The following ADGRG1 variants were observed in gnomAD, a reference collection of about 807,000 sequenced individuals.
The protein encoded by ADGRG1 is 7-transmembrane protein with no EGF-like N-terminal domains-1.
A neutral mutation model predicts 73.5 loss-of-function variants in ADGRG1; 53 were observed. The observed-to-expected ratio is 0.72, with a 90% CI of 0.58 to 0.91. The LOEUF (loss-of-function observed/expected upper bound fraction) is 0.91, where lower values mean the gene tolerates loss of function less well. Ranked by LOEUF, ADGRG1 falls within the 40% of genes least tolerant of loss-of-function variation. The pLI is 0.00. For missense variants in ADGRG1, 795 were observed against 871.8 expected, an observed-to-expected ratio of 0.91 and a Z score of 1.11; for synonymous variants, 394 against 374.4, an observed-to-expected ratio of 1.05 and a Z score of -0.60.
intron 13 of ADGRG1, 66 bp from the exon 14 acceptor site, chr16:57,663,386 G>A: frequency 6.2e-7 from 1 of 1,601,568 alleles, no homozygotes; most frequent in Non-Finnish European, 8.5e-7. Context: ...CAATGGCTGG[G>A]GAGGGAGGAG....
upstream of ADGRG1, chr16:57,624,697 C>T (rs1229126514): frequency 1.0e-6 from 1 of 983,784 alleles, no homozygotes; most frequent in African/African-American, 1.7e-5. Flanking sequence ...CCTACTCCCC[C>T]AGGCCTCAGT....
chr16:57,630,979 A>T, intron 1 of ADGRG1: 1 of 985,800 alleles, frequency 1.0e-6, no homozygotes, highest in Non-Finnish European at 1.2e-6. Context: ...GTGGGGGGGA[A>T]GAGAGGCAGG....
upstream of ADGRG1, among the ~76,000 whole-genome samples, chr16:57,624,492 C>G (rs1457286646): frequency 3.9e-5 from 6 of 152,126 alleles, no homozygotes; most frequent in Non-Finnish European, 8.8e-5. Flanking sequence ...CAGAGCGAGG[C>G]CCTGTCTCGA....
At chr16:57,647,345 G>A (rs1263852889) in intron 1 of ADGRG1, 3 of 982,930 alleles carry the variant, frequency 3.1e-6, no homozygotes, top group African/African-American at 3.5e-5. Flanking sequence ...GGGTGAGCTG[G>A]TTGCTGGGGG....
chr16:57,653,752 C>T lies in ADGRG1; in HGVS notation c.621-234C>T, dbSNP rs143100388. On this transcript the variant is annotated intron_variant, in intron 4 of 13. Coordinates refer to ENST00000562631, the MANE Select transcript of ADGRG1 (RefSeq NM_201525.4). ...CTTTCCCTTGGCTCCCAGGTCCTGGCCTCCTCTGTCTGACCCTACCCCAGC... is the reference window on the plus strand; with the variant it reads ...CTTTCCCTTGGCTCCCAGGTCCTGGTCTCCTCTGTCTGACCCTACCCCAGC... The T allele has an allele frequency of 5.3e-6, 5 of 938,444 alleles. No homozygotes were observed. The East Asian group carries it at 5.8e-4, about 110-fold the overall frequency. The allele number at this position is 938,444 out of a possible 1,614,324, so 58.1% of individuals were successfully genotyped here.
intron 13 of ADGRG1, among the ~76,000 whole-genome samples, chr16:57,662,749 C>T (rs2047525901): frequency 6.6e-6 from 1 of 152,130 alleles, no homozygotes; most frequent in Admixed American, 6.5e-5. Context: ...GGCTTGATGC[C>T]AACAGGGTCC....
In ADGRG1 at chr16:57,635,836, G is replaced by C. The variant is rs1047586131; in HGVS notation, c.-36+7034G>C. On this transcript the variant is annotated intron_variant, in intron 1 of 13. Transcript: ENST00000562631. ...TTACGAGCTCTGTGTCCCTGGGCAA[G>C]CTCCGTGTCCCTGTGTCCCTGCTAT... 2.4e-5 allele frequency: 24 copies of C among 985,180 alleles called. No homozygotes were observed. In the African/African-American group the frequency reaches 4.2e-4, roughly 17 times the overall value. 61.0% of individuals were successfully genotyped at this position (985,180 alleles called of 1,614,324 possible). A position where few individuals can be genotyped will look rare whatever the true frequency, so the allele number is the denominator to read the frequency against.
Position 57,659,379 on chromosome 16 carries a change from C to T in ADGRG1, c.1287-34C>T, listed in dbSNP as rs2046514589. 6.2e-7 allele frequency: 1 copy of T among 1,612,932 alleles called. No individual in the cohort carries two copies. The highest frequency in any genetic ancestry group is 8.5e-7 in the Non-Finnish European group (1 of 1,179,904). ...GGGCACACTCCCCTCTCTACCTTCC[C>T]ACACTGGCCCACCAGGGTGCCCCTG... On this transcript the variant is annotated intron_variant, in intron 10 of 13. Coordinates refer to ENST00000562631, the MANE Select transcript of ADGRG1 (RefSeq NM_201525.4).
At chr16:57,651,862 A>G in intron 3 of ADGRG1, 1 of 1,436,216 alleles carries the variant, frequency 7.0e-7, no homozygotes, top group Non-Finnish European at 9.1e-7. Context: ...GTGGGCAGGC[A>G]GGGGTGAGGA....
At position 57,656,949 on chromosome 16, in the gene ADGRG1, G is replaced by A. The variant is rs568907678; in HGVS notation, c.1167+332G>A. Among the ~76,000 whole-genome samples the A allele has an allele frequency of 1.0e-3, 158 of 152,296 alleles. 1 individual carries two copies. The highest frequency in any genetic ancestry group is 4.9e-4 in the Non-Finnish European group (33 of 68,030). ...CAAGAGTGTTTCTAATGAGGCCCCT[G>A]AGGTGGCCTCCAGTGCCCCCAAGAC... On this transcript the variant is annotated intron_variant, in intron 9 of 13. Transcript: ENST00000562631.
chr16:57,660,100 C>A, intron 11 of ADGRG1: 1 of 227,732 alleles, frequency 4.4e-6, no homozygotes, highest in Non-Finnish European at 7.3e-6. Flanking sequence ...TGTGGCTTGG[C>A]ATTTTGTTCT....
intron 1 of ADGRG1, chr16:57,645,450 G>A (rs2042376161): frequency 2.0e-6 from 1 of 490,968 alleles, no homozygotes; most frequent in Non-Finnish European, 2.6e-6. Context: ...CTAAATGCTG[G>A]GGGAGCCACA....
At chr16:57,624,780 C>T (rs1190767055), upstream of ADGRG1, 11 of 908,392 alleles carry the variant, frequency 1.2e-5, no homozygotes, top group Non-Finnish European at 1.4e-5. Flanking sequence ...AGATCTCCTC[C>T]TACCTCCCCG....
chr16:57,660,522 G>C (rs2046827432), intron 11 of ADGRG1: 1 of 746,282 alleles, frequency 1.3e-6, no homozygotes, highest in Non-Finnish European at 1.6e-6. Flanking sequence ...TTCTCCCAGG[G>C]GCCCCCAGGG....
In ADGRG1 at chr16:57,659,626, G is replaced by A. The variant is rs2046582535; in HGVS notation, c.1500G>A (p.Glu500=). Residue 500 remains glutamate (E), a synonymous_variant, in exon 11 of 14, where the codon GAG becomes GAA. Transcript: ENST00000562631. ...EGYNLYRLVV[E]VFGTYVPGYL... ...ACAACCTCTACCGACTCGTGGTGGA[G>A]GTCTTTGGCACCTATGTCCCTGGCT... The A allele has an allele frequency of 6.2e-7, 1 of 1,614,072 alleles. No individual in the cohort carries two copies. The highest frequency in any genetic ancestry group is 2.2e-5 in the East Asian group (1 of 44,870).
At chr16:57,622,726 G>C, upstream of ADGRG1, 1 of 966,612 alleles carries the variant, frequency 1.0e-6, no homozygotes, top group Non-Finnish European at 1.2e-6. Flanking sequence ...GTGCTCTTGG[G>C]AGGCTAGGCA....
At chr16:57,630,730 G>C in intron 1 of ADGRG1, 1 of 231,966 alleles carries the variant, frequency 4.3e-6, no homozygotes, top group Non-Finnish European at 7.1e-6. Context: ...CCAGAGAAGG[G>C]GAAGAGGACC....
chr16:57,639,316 C>T (rs753558560), intron 1 of ADGRG1: 487 of 985,416 alleles, frequency 4.9e-4, no homozygotes, highest in Non-Finnish European at 5.5e-4. Flanking sequence ...GGACAAGTTA[C>T]GGAGCCACGT....
chr16:57,663,394 G>A (rs996472688), intron 13 of ADGRG1, 58 bp from the exon 14 acceptor site: 2 of 1,606,044 alleles, frequency 1.2e-6, no homozygotes, highest in Non-Finnish European at 8.5e-7. Context: ...GGGGAGGGAG[G>A]AGGAGGGATG....
Sources: allele counts gnomAD v4.1 joint callset (sites outside exome capture counted in the v4.1 genomes callset), GRCh38; gene constraint gnomAD v4.1.1; transcripts MANE v1.5; gene names NCBI Gene and HGNC (gene_info 2026-07-23, HGNC 2026-07-21).